Variants in FNDC3A observed in about 807,000 individuals in gnomAD.
FNDC3A encodes the protein fibronectin type-III domain-containing protein 3A.
In FNDC3A, 32 loss-of-function variants were observed where a neutral mutation model predicts 148.9. That is an observed-to-expected ratio of 0.21 (90% CI 0.16 to 0.29). FNDC3A has a LOEUF of 0.29. Among genes scored for constraint, FNDC3A ranks in the 10% least tolerant of loss-of-function variants. FNDC3A has a pLI of 1.00. For synonymous variants in FNDC3A, 472 were observed against 473.6 expected (o/e 1.00, Z 0.04); for missense variants, 1,191 against 1,452.8 (o/e 0.82, Z 2.93).
rs1402824089 is a variant in FNDC3A at position 49,207,614 on chromosome 13, G to A, written c.*219G>A. On this transcript the variant is annotated 3_prime_UTR_variant, in exon 26 of 26. Coordinates refer to ENST00000492622, the MANE Select transcript of FNDC3A (RefSeq NM_001079673.2). ...TCAATTTTGTTTTTTTTGTTAGGGT[G>A]GGTCTTCTTTTTTTCTTTCCCTCTC... 4.8e-6 allele frequency: 2 copies of A among 414,602 alleles called. No individual in the cohort carries two copies. The highest frequency in any genetic ancestry group is 2.1e-5 in the African/African-American group (1 of 48,358). The allele number at this position is 414,602 out of a possible 1,614,324, so 25.7% of individuals were successfully genotyped here.
chr13:49,177,236 G>T (rs1178735268), intron 13 of FNDC3A, among the ~76,000 whole-genome samples: 2 of 152,196 alleles, frequency 1.3e-5, no homozygotes, highest in African/African-American at 2.4e-5. Context: ...AGGAGGGGAA[G>T]ATCACCACAG....
intron 1 of FNDC3A, among the ~76,000 whole-genome samples, chr13:48,999,717 ATAGT>A (rs1480610295): frequency 2.6e-5 from 4 of 152,186 alleles, no homozygotes; most frequent in Admixed American, 2.0e-4. Context: ...GTTACTGAAA[ATAGT>A]TAGACTTAGA....
intron 4 of FNDC3A, among the ~76,000 whole-genome samples, chr13:49,127,057 A>T (rs1220062606): frequency 6.6e-6 from 1 of 152,088 alleles, no homozygotes; most frequent in African/African-American, 2.4e-5. Context: ...TCTGCTTCTC[A>T]TCCAGCCCAC....
chr13:49,158,055 C>T lies in FNDC3A; in HGVS notation c.978-9189C>T, dbSNP rs1017763807. ...GAGCTGTGGTGGGCTCCACTCAGTT[C>T]GAGCTTCCCGGCTGCTTTGTTTACC... On this transcript the variant is annotated intron_variant, in intron 8 of 25. Transcript: ENST00000492622. Among the ~76,000 whole-genome samples the T allele has an allele frequency of 2.5e-4, 38 of 152,120 alleles. 1 individual carries two copies. The highest frequency in any genetic ancestry group is 4.1e-4 in the South Asian group (2 of 4,830).
intron 8 of FNDC3A, among the ~76,000 whole-genome samples, chr13:49,156,175 A>G (rs1208053817): frequency 3.4e-5 from 5 of 148,358 alleles, no homozygotes; most frequent in Non-Finnish European, 5.9e-5. Flanking sequence ...GTAGGTCTCT[A>G]AGGACTTGCT....
At chr13:49,161,748 G>T (rs969021310) in intron 8 of FNDC3A, among the ~76,000 whole-genome samples, 5 of 152,164 alleles carry the variant, frequency 3.3e-5, no homozygotes, top group Non-Finnish European at 7.3e-5. Flanking sequence ...GGTACTGATG[G>T]TTCCTTTCCA....
chr13:49,091,114 A>G (rs759135071), intron 3 of FNDC3A, among the ~76,000 whole-genome samples: 4 of 152,184 alleles, frequency 2.6e-5, no homozygotes, highest in Non-Finnish European at 5.9e-5. Flanking sequence ...AGTCTACAAC[A>G]ATAAAAAAAT....
chr13:49,084,722 A>C (rs1878692605), intron 3 of FNDC3A, among the ~76,000 whole-genome samples: 1 of 152,208 alleles, frequency 6.6e-6, no homozygotes, highest in Non-Finnish European at 1.5e-5. Flanking sequence ...GAACCTCGTC[A>C]CCTACTAGAG....
chr13:49,201,916 C>A lies in FNDC3A; in HGVS notation c.3104C>A (p.Ser1035Tyr), dbSNP rs1290083637. Residue 1035 changes from serine to tyrosine, a missense_variant, in exon 24 of 26, where the codon TCC becomes TAC. Ser to Tyr is a moderately radical substitution (Grantham distance 144). Transcript: ENST00000492622. ...ACNEAGEGPL[S>Y]QEYIFTTPKS... ...AATGAAGCTGGGGAAGGTCCCCTCT[C>A]CCAAGAATATATTTTCACTACTCCA... The A allele has an allele frequency of 1.3e-6, 2 of 1,591,926 alleles. No individual in the cohort carries two copies. The highest frequency in any genetic ancestry group is 1.7e-6 in the Non-Finnish European group (2 of 1,169,482).
chr13:48,990,726 C>T (rs1048701465), intron 1 of FNDC3A, among the ~76,000 whole-genome samples: 3 of 152,024 alleles, frequency 2.0e-5, no homozygotes, highest in Non-Finnish European at 4.4e-5. Flanking sequence ...CACACCACTG[C>T]ATTCTAGCCT....
chr13:49,187,268 C>A, intron 16 of FNDC3A, 78 bp downstream of exon 16: 2 of 1,081,270 alleles, frequency 1.8e-6, no homozygotes, highest in Non-Finnish European at 2.8e-6. Flanking sequence ...CATTTTATGT[C>A]ATATCTTTTC....
At chr13:49,173,159 T>A (rs538661986) in intron 11 of FNDC3A, among the ~76,000 whole-genome samples, 16 of 152,372 alleles carry the variant, frequency 1.1e-4, no homozygotes, top group Admixed American at 9.1e-4. Flanking sequence ...GTTTTTACTA[T>A]CAGTTACCAT....
rs960374033 is a variant in FNDC3A at position 49,175,331 on chromosome 13, C to T, written c.1356-36C>T. The T allele has an allele frequency of 8.9e-6, 13 of 1,465,420 alleles. No homozygotes were observed. In the East Asian group the frequency reaches 9.7e-5, roughly 11 times the overall value. 90.8% of individuals were successfully genotyped at this position (1,465,420 alleles called of 1,614,324 possible). A position where few individuals can be genotyped will look rare whatever the true frequency, so the allele number is the denominator to read the frequency against. ...ACTTGTTCTTTCACTGTAAAAATAA[C>T]TTTTTCATGCCTTTTAAAACCATTT... is the stretch of plus-strand genomic sequence containing the variant. On this transcript the variant is annotated intron_variant, in intron 12 of 25. Coordinates refer to ENST00000492622, the MANE Select transcript of FNDC3A (RefSeq NM_001079673.2).
At chr13:49,026,407 A>G (rs969303250) in intron 2 of FNDC3A, among the ~76,000 whole-genome samples, 1 of 152,262 alleles carries the variant, frequency 6.6e-6, no homozygotes, top group Non-Finnish European at 1.5e-5. Context: ...AATACTGTCT[A>G]CTTTTCTGTA....
intron 3 of FNDC3A, among the ~76,000 whole-genome samples, chr13:49,090,746 A>G (rs1879136269): frequency 6.6e-6 from 1 of 152,194 alleles, no homozygotes; most frequent in Admixed American, 6.5e-5. Context: ...TCATGCCTGT[A>G]ATCACGACAC....
chr13:49,091,293 G>A (rs1879176146), intron 3 of FNDC3A, among the ~76,000 whole-genome samples: 1 of 148,086 alleles, frequency 6.8e-6, no homozygotes, highest in African/African-American at 2.5e-5. Flanking sequence ...GAAATAAACA[G>A]AAATTGTTCA....
intron 4 of FNDC3A, among the ~76,000 whole-genome samples, chr13:49,118,877 C>T (rs1231122207): frequency 6.6e-6 from 1 of 152,202 alleles, no homozygotes; most frequent in Non-Finnish European, 1.5e-5. Context: ...AGATAAAACG[C>T]CCGTCTTCCT....
At chr13:49,059,540 C>T (rs373402415) in intron 2 of FNDC3A, among the ~76,000 whole-genome samples, 3 of 152,326 alleles carry the variant, frequency 2.0e-5, no homozygotes, top group African/African-American at 7.2e-5. Flanking sequence ...ACTGCAACCT[C>T]AGCCTCCTGG....
In FNDC3A at chr13:49,187,596, CT is replaced by C. The variant is rs1191767230; in HGVS notation, c.1825+408del. The C allele has an allele frequency of 1.9e-6, 3 of 1,609,276 alleles. No individual in the cohort carries two copies. The African/African-American group carries it at 4.0e-5, about 22-fold the overall frequency. On this transcript the variant is annotated intron_variant, in intron 16 of 25. Coordinates refer to ENST00000492622, the MANE Select transcript of FNDC3A (RefSeq NM_001079673.2). ...TGTTTTCCACTGAAAATGGCAAATT[CT>C]TCCCAGGGCCCTCCTCACAGTGGCT...
Sources: allele counts gnomAD v4.1 joint callset (sites outside exome capture counted in the v4.1 genomes callset), GRCh38; gene constraint gnomAD v4.1.1; transcripts MANE v1.5; gene names NCBI Gene and HGNC (gene_info 2026-07-23, HGNC 2026-07-21).